CTNNA3: variants seen among roughly 807,000 people sequenced by gnomAD.
CTNNA3 encodes catenin alpha 3.
CTNNA3 carries 76 observed loss-of-function variants against 95.7 expected under a neutral mutation model. The observed-to-expected ratio is 0.79, with a 90% confidence interval of 0.66 to 0.96. CTNNA3 has a LOEUF of 0.96. CTNNA3 is among the 40% of genes least tolerant of loss of function. The probability of loss-of-function intolerance (pLI) is 0.00; values close to 1 mark genes in which losing one functional copy is unlikely to be tolerated. For missense variants in CTNNA3, 1,191 were observed against 1,089.8 expected (o/e 1.09, Z -1.31); for synonymous variants, 431 against 374.4 (o/e 1.15, Z -1.74).
At chr10:66,426,728 T>C (rs1008553791) in intron 11 of CTNNA3, among the ~76,000 whole-genome samples, 9 of 151,928 alleles carry the variant, frequency 5.9e-5, no homozygotes, top group African/African-American at 2.2e-4. Flanking sequence ...TTTATTGACC[T>C]GTTTGGCCCT....
At chr10:66,416,895 G>T (rs1429163163) in intron 11 of CTNNA3, among the ~76,000 whole-genome samples, 1 of 151,946 alleles carries the variant, frequency 6.6e-6, no homozygotes, top group Non-Finnish European at 1.5e-5. Context: ...ACATACAAAT[G>T]TGGAAAAAGA....
intron 4 of CTNNA3, among the ~76,000 whole-genome samples, chr10:67,538,778 T>C (rs1406314284): frequency 6.6e-6 from 1 of 152,150 alleles, no homozygotes; most frequent in Non-Finnish European, 1.5e-5. Flanking sequence ...ATAAGGGTCC[T>C]ATTTCAAGCA....
intron 7 of CTNNA3, among the ~76,000 whole-genome samples, chr10:66,995,100 C>G (rs192309888): frequency 6.6e-6 from 1 of 152,252 alleles, no homozygotes; most frequent in African/African-American, 2.4e-5. Context: ...ACCCATGTTT[C>G]CAATTCCTCT....
chr10:66,093,886 C>G (rs924491366), intron 14 of CTNNA3, among the ~76,000 whole-genome samples: 2 of 152,072 alleles, frequency 1.3e-5, no homozygotes, highest in Non-Finnish European at 2.9e-5. Flanking sequence ...TCCTATATGA[C>G]GTGATTCACA....
intron 16 of CTNNA3, among the ~76,000 whole-genome samples, chr10:65,981,516 C>T (rs2078319189): frequency 6.6e-6 from 1 of 151,760 alleles, no homozygotes; most frequent in African/African-American, 2.4e-5. Context: ...TCATATAGAA[C>T]CAAAAAAGAG....
intron 13 of CTNNA3, among the ~76,000 whole-genome samples, chr10:66,180,109 T>G (rs1406864070): frequency 6.6e-6 from 1 of 152,160 alleles, no homozygotes; most frequent in East Asian, 1.9e-4. Flanking sequence ...AAAAGCAGCA[T>G]CAGGAATCAT....
chr10:66,715,110 G>C (rs1213440860), intron 9 of CTNNA3, among the ~76,000 whole-genome samples: 1 of 151,952 alleles, frequency 6.6e-6, no homozygotes, highest in Non-Finnish European at 1.5e-5. Flanking sequence ...AAGCTCAAAT[G>C]TCCCCTTTTT....
chr10:67,204,219 A>G (rs1418231334), intron 6 of CTNNA3, among the ~76,000 whole-genome samples: 1 of 152,124 alleles, frequency 6.6e-6, no homozygotes, highest in Non-Finnish European at 1.5e-5. Flanking sequence ...CTCATGTCAA[A>G]ATGTAACCAC....
chr10:66,002,917 A>G (rs935193318), intron 15 of CTNNA3, among the ~76,000 whole-genome samples: 1 of 152,202 alleles, frequency 6.6e-6, no homozygotes, highest in African/African-American at 2.4e-5. Context: ...GCCTTTGCAC[A>G]TGATCCCAGG....
At chr10:66,302,627 A>C (rs985889835) in intron 12 of CTNNA3, among the ~76,000 whole-genome samples, 2 of 152,144 alleles carry the variant, frequency 1.3e-5, no homozygotes, top group Non-Finnish European at 2.9e-5. Flanking sequence ...CTAATTAATT[A>C]GTTTTGACAA....
intron 9 of CTNNA3, among the ~76,000 whole-genome samples, chr10:66,657,198 T>C (rs1253194415): frequency 1.3e-5 from 2 of 152,156 alleles, no homozygotes; most frequent in Non-Finnish European, 2.9e-5. Flanking sequence ...TTTGACATTG[T>C]AATCTTGATT....
Position 66,743,699 on chromosome 10 carries a change from C to T in CTNNA3, c.1281+22565G>A, listed in dbSNP as rs150615972. ...TCCATAGAAAGAAGGAGGAGGAGGT[C>T]GGGTGTGGTGGCTCATGACTGTAAT... On this transcript the variant is annotated intron_variant, in intron 9 of 17. Transcript: ENST00000433211. Among the ~76,000 whole-genome samples, 368 of 151,770 alleles carry T rather than the reference C, an allele frequency of 2.4e-3. 2 individuals are homozygous for T. The highest frequency in any genetic ancestry group is 8.6e-3 in the African/African-American group (356 of 41,414).
chr10:66,728,099 T>C (rs1216205959), intron 9 of CTNNA3, among the ~76,000 whole-genome samples: 8 of 152,172 alleles, frequency 5.3e-5, no homozygotes, highest in Middle Eastern at 3.2e-3. Context: ...ATTAACAAAG[T>C]CCTTAGCTAT....
intron 5 of CTNNA3, among the ~76,000 whole-genome samples, chr10:67,438,232 T>C (rs754025010): frequency 6.6e-6 from 1 of 152,114 alleles, no homozygotes; most frequent in Non-Finnish European, 1.5e-5. Flanking sequence ...AGAAAAATTG[T>C]ATGTCAACAT....
intron 17 of CTNNA3, among the ~76,000 whole-genome samples, chr10:65,946,266 T>C (rs187214605): frequency 6.2e-4 from 95 of 152,326 alleles, no homozygotes; most frequent in African/African-American, 2.3e-3. Flanking sequence ...TATACAGGCA[T>C]ATGCATATAT....
chr10:66,495,865 C>T (rs147715363), intron 11 of CTNNA3, among the ~76,000 whole-genome samples: 10 of 152,124 alleles, frequency 6.6e-5, no homozygotes, highest in Middle Eastern at 3.4e-3. Flanking sequence ...CATGTGTTGG[C>T]CAGGCTGATC....
intron 14 of CTNNA3, among the ~76,000 whole-genome samples, chr10:66,073,502 A>ACTC (rs2080484425): frequency 6.6e-6 from 1 of 152,112 alleles, no homozygotes; most frequent in Non-Finnish European, 1.5e-5. Context: ...TGAAAAACAC[A>ACTC]CTCAGCCAAA....
intron 5 of CTNNA3, among the ~76,000 whole-genome samples, chr10:67,492,123 T>C (rs927051852): frequency 1.3e-5 from 2 of 151,460 alleles, no homozygotes; most frequent in African/African-American, 4.9e-5. Flanking sequence ...ACAGAGGGTG[T>C]AGGGGAAAGA....
chr10:67,303,415 A>C (rs961851236), intron 5 of CTNNA3, among the ~76,000 whole-genome samples: 1 of 152,234 alleles, frequency 6.6e-6, no homozygotes, highest in Non-Finnish European at 1.5e-5. Context: ...GAACCAGATA[A>C]TTTTGTACAT....
Sources: allele counts gnomAD v4.1 joint callset (sites outside exome capture counted in the v4.1 genomes callset), GRCh38; gene constraint gnomAD v4.1.1; transcripts MANE v1.5; gene names NCBI Gene and HGNC (gene_info 2026-07-23, HGNC 2026-07-21).